The following TMEM108 variants were observed in gnomAD, a reference collection of about 807,000 sequenced individuals.
TMEM108 encodes transmembrane protein 108, also known as cancer/testis antigen 124.
Under a neutral mutation model 35.1 loss-of-function variants are expected in TMEM108, and 12 were observed. The observed-to-expected ratio is 0.34, with a 90% confidence interval of 0.22 to 0.55. The LOEUF (loss-of-function observed/expected upper bound fraction) is 0.55. Among genes scored for constraint, TMEM108 ranks in the 20% least tolerant of loss-of-function variants. The pLI, the probability that TMEM108 is intolerant of heterozygous loss-of-function variation, is 0.89. For synonymous variants in TMEM108, 287 were observed against 308.6 expected, an observed-to-expected ratio of 0.93 and a Z score of 0.73; for missense variants, 680 against 753.3, an observed-to-expected ratio of 0.90 and a Z score of 1.14.
intron 2 of TMEM108, among the ~76,000 whole-genome samples, chr3:133,092,362 A>G (rs1374563412): frequency 6.6e-6 from 1 of 152,182 alleles, no homozygotes; most frequent in Non-Finnish European, 1.5e-5. Context: ...ATTTTCTCCT[A>G]ACCTCTTTTA....
chr3:133,200,421 T>G (rs903532179), intron 2 of TMEM108, among the ~76,000 whole-genome samples: 14 of 152,308 alleles, frequency 9.2e-5, no homozygotes, highest in Middle Eastern at 3.4e-3. Flanking sequence ...GCTCACTACT[T>G]ATGCTTCTGC....
chr3:133,065,857 G>A (rs1943600599), intron 2 of TMEM108, among the ~76,000 whole-genome samples: 1 of 151,994 alleles, frequency 6.6e-6, no homozygotes, highest in Non-Finnish European at 1.5e-5. Context: ...ATAATCGTTG[G>A]GTTATTAATG....
intron 2 of TMEM108, among the ~76,000 whole-genome samples, chr3:133,133,795 A>G (rs1476731174): frequency 6.7e-6 from 1 of 148,232 alleles, no homozygotes; most frequent in Non-Finnish European, 1.5e-5. Flanking sequence ...GGTTCACGCC[A>G]TTCTATCGCC....
intron 3 of TMEM108, among the ~76,000 whole-genome samples, chr3:133,292,535 T>G (rs1367873679): frequency 6.6e-6 from 1 of 152,208 alleles, no homozygotes; most frequent in Non-Finnish European, 1.5e-5. Context: ...GCGTGGAACT[T>G]GGAATTCTGC....
At chr3:133,360,026 A>T (rs1039317029) in intron 3 of TMEM108, among the ~76,000 whole-genome samples, 6 of 151,884 alleles carry the variant, frequency 4.0e-5, no homozygotes, top group African/African-American at 1.4e-4. Flanking sequence ...AAAAAAAAAA[A>T]AGCAAACCAC....
At chr3:133,077,520 TGTTCTTGGG>T (rs1173260029) in intron 2 of TMEM108, among the ~76,000 whole-genome samples, 1 of 152,156 alleles carries the variant, frequency 6.6e-6, no homozygotes, top group Non-Finnish European at 1.5e-5. Flanking sequence ...CTCCCCACTT[TGTTCTTGGG>T]GTGAAGGATG....
At chr3:133,367,423 GA>G (rs1241983762) in intron 3 of TMEM108, among the ~76,000 whole-genome samples, 2 of 152,376 alleles carry the variant, frequency 1.3e-5, no homozygotes, top group East Asian at 3.9e-4. Context: ...CTGGAGGGCT[GA>G]GTTTCAGAAT....
chr3:133,391,932 T>A (rs2073240499), intron 5 of TMEM108, among the ~76,000 whole-genome samples: 1 of 152,156 alleles, frequency 6.6e-6, no homozygotes. Context: ...CTCCCCTACT[T>A]GAGTAACCAG....
intron 3 of TMEM108, among the ~76,000 whole-genome samples, chr3:133,294,934 A>G (rs1158733080): frequency 1.3e-5 from 2 of 152,242 alleles, no homozygotes; most frequent in Non-Finnish European, 2.9e-5. Flanking sequence ...TTTGCCTGAA[A>G]TCAAATTTCA....
chr3:133,339,295 A>G (rs187434068), intron 3 of TMEM108, among the ~76,000 whole-genome samples: 9 of 152,066 alleles, frequency 5.9e-5, no homozygotes, highest in African/African-American at 2.2e-4. Flanking sequence ...ATGGAAACCA[A>G]AAAAGTGCAG....
chr3:133,188,034 T>A (rs191564312), intron 2 of TMEM108, among the ~76,000 whole-genome samples: 89 of 152,314 alleles, frequency 5.8e-4, no homozygotes, highest in African/African-American at 2.1e-3. Flanking sequence ...GAACCATAGC[T>A]AGTCTTTGCC....
At chr3:133,073,484 TTC>T (rs371623398) in intron 2 of TMEM108, among the ~76,000 whole-genome samples, 2,872 of 55,522 alleles carry the variant, frequency 0.052, 149 homozygotes, top group Admixed American at 0.082. Context: ...TAGTATTCTA[TTC>T]TCTCTCTCTC....
chr3:133,205,748 A>C (rs1433578949), intron 2 of TMEM108, among the ~76,000 whole-genome samples: 1 of 151,654 alleles, frequency 6.6e-6, no homozygotes, highest in Non-Finnish European at 1.5e-5. Context: ...ATTCTTTTCA[A>C]CCTTGGTGAA....
chr3:133,246,738 T>C (rs1485736320), intron 3 of TMEM108: 2 of 152,206 alleles, frequency 1.3e-5, no homozygotes, highest in Non-Finnish European at 2.9e-5. Context: ...TCAGATCCTC[T>C]GCAAGGCCCT....
rs996709777 is a variant in TMEM108 at position 133,118,719 on chromosome 3, C to T, written c.-47+72699C>T. ...AGTCCTTTGTGAAATTACAATGAGG[C>T]GGCGGGCTGAACCACTGGTGGTTCT... On this transcript the variant is annotated intron_variant, in intron 2 of 5. Coordinates refer to ENST00000321871, the MANE Select transcript of TMEM108 (RefSeq NM_023943.4). Among the ~76,000 whole-genome samples, 10 of 152,168 alleles carry T rather than the reference C, an allele frequency of 6.6e-5. 1 individual carries two copies. Among genetic ancestry groups the T allele is most frequent in the South Asian group, 2.1e-4 (1 of 4,822 alleles).
At chr3:133,091,777 A>G (rs562550643) in intron 2 of TMEM108, among the ~76,000 whole-genome samples, 1 of 152,304 alleles carries the variant, frequency 6.6e-6, no homozygotes, top group Admixed American at 6.5e-5. Flanking sequence ...TGCCTCTCCC[A>G]GCCTCATTTG....
intron 2 of TMEM108, among the ~76,000 whole-genome samples, chr3:133,104,713 T>C (rs1012042424): frequency 6.6e-6 from 1 of 152,194 alleles, no homozygotes; most frequent in Non-Finnish European, 1.5e-5. Context: ...TTCACCTGCC[T>C]AATCACTGAC....
chr3:133,078,282 C>G (rs1278674213), intron 2 of TMEM108, among the ~76,000 whole-genome samples: 1 of 152,134 alleles, frequency 6.6e-6, no homozygotes, highest in Non-Finnish European at 1.5e-5. Context: ...TCTTCTCAGT[C>G]CTTTCGGACA....
intron 2 of TMEM108, among the ~76,000 whole-genome samples, chr3:133,094,221 A>ACCCCCCCCC (rs1559830325): frequency 5.8e-5 from 2 of 34,250 alleles, no homozygotes; most frequent in Non-Finnish European, 1.2e-4. Context: ...CCCACCTCCC[A>ACCCCCCCCC]CCCCACCCCC....
Sources: gnomAD v4.1 joint callset for allele counts (sites outside exome capture counted in the v4.1 genomes callset) on GRCh38, gnomAD v4.1.1 for gene constraint, MANE v1.5 for transcripts, NCBI Gene and HGNC (gene_info 2026-07-23, HGNC 2026-07-21) for gene names.